GNAO1: variants seen among roughly 807,000 people sequenced by gnomAD.
GNAO1 encodes guanine nucleotide-binding protein G(o) subunit alpha.
For synonymous variants in GNAO1, 164 were observed against 180.7 expected (o/e 0.91, Z 0.74); for missense variants, 166 against 478.7 (o/e 0.35, Z 6.10).
At chr16:56,236,894 A>T (rs2036642351) in intron 2 of GNAO1, among the ~76,000 whole-genome samples, 1 of 152,216 alleles carries the variant, frequency 6.6e-6, no homozygotes, top group Non-Finnish European at 1.5e-5. Flanking sequence ...GTGTCCCAGG[A>T]ACGTGTAGGA....
chr16:56,309,743 C>G (rs750742782), intron 3 of GNAO1, among the ~76,000 whole-genome samples: 4 of 152,236 alleles, frequency 2.6e-5, no homozygotes, highest in Non-Finnish European at 5.9e-5. Context: ...ACCCACTGCT[C>G]CTGTGCGTGC....
intron 3 of GNAO1, among the ~76,000 whole-genome samples, chr16:56,304,238 G>A (rs762751560): frequency 1.3e-5 from 2 of 152,206 alleles, no homozygotes; most frequent in Non-Finnish European, 2.9e-5. Context: ...AGCCCCCTGC[G>A]TCTGCTTTTC....
At chr16:56,277,667 A>C (rs1418773468) in intron 3 of GNAO1, among the ~76,000 whole-genome samples, 1 of 152,074 alleles carries the variant, frequency 6.6e-6, no homozygotes, top group Non-Finnish European at 1.5e-5. Flanking sequence ...ATCTTCAGGC[A>C]TGGCACAAGC....
At chr16:56,257,106 A>G (rs1171184964) in intron 2 of GNAO1, among the ~76,000 whole-genome samples, 1 of 152,052 alleles carries the variant, frequency 6.6e-6, no homozygotes, top group East Asian at 1.9e-4. Flanking sequence ...CAGAGATCAA[A>G]TGTCATGCCC....
rs1003463053 is a variant in GNAO1 at position 56,196,766 on chromosome 16, C to T, written c.161+4150C>T. Among the ~76,000 whole-genome samples the T allele has an allele frequency of 4.6e-5, 7 of 152,212 alleles. No individual in the cohort carries two copies. In the East Asian group the frequency reaches 9.6e-4, roughly 21 times the overall value. On this transcript the variant is annotated intron_variant, in intron 2 of 8. Transcript: ENST00000262493. ...TTTACCGAAATGGGCACAATAAAAT[C>T]GAGCACTTTGGTTGTGCGTCCATTC...
Position 56,220,265 on chromosome 16 carries a change from A to G in GNAO1, c.161+27649A>G, listed in dbSNP as rs926471094. Among the ~76,000 whole-genome samples, 4 of 152,136 alleles carry G rather than the reference A, an allele frequency of 2.6e-5. No homozygotes were observed. The South Asian group carries it at 8.3e-4, about 32-fold the overall frequency. On this transcript the variant is annotated intron_variant, in intron 2 of 8. Transcript: ENST00000262493. Reference sequence around the variant, plus strand: ...AAAAAATCACCTCTATATCCTACATATACCCTTTCCTCCCACGTATGCTGT... The same window carrying G: ...AAAAAATCACCTCTATATCCTACATGTACCCTTTCCTCCCACGTATGCTGT...
intron 3 of GNAO1, among the ~76,000 whole-genome samples, chr16:56,297,937 G>A (rs951316335): frequency 2.0e-5 from 3 of 152,200 alleles, no homozygotes; most frequent in Non-Finnish European, 4.4e-5. Flanking sequence ...GGGAGGCAAA[G>A]GTGGGCGGAT....
intron 3 of GNAO1, among the ~76,000 whole-genome samples, chr16:56,322,122 C>G (rs1108659): frequency 0.83 from 125,902 of 152,074 alleles, 52,526 homozygotes; most frequent in East Asian, 0.97. Context: ...AACCCCCTTC[C>G]TGAGAGCTCC....
chr16:56,224,571 G>T (rs1352806786), intron 2 of GNAO1, among the ~76,000 whole-genome samples: 12 of 152,214 alleles, frequency 7.9e-5, no homozygotes, highest in Non-Finnish European at 1.5e-4. Context: ...TTGCCTCCCA[G>T]GTTCAAGCAA....
At chr16:56,252,696 C>T (rs1269320734) in intron 2 of GNAO1, among the ~76,000 whole-genome samples, 1 of 152,210 alleles carries the variant, frequency 6.6e-6, no homozygotes, top group African/African-American at 2.4e-5. Context: ...GGAAGAACTT[C>T]TCATCACAGC....
intron 3 of GNAO1, chr16:56,308,243 A>G (rs2037416996): frequency 6.6e-6 from 1 of 152,184 alleles, no homozygotes; most frequent in Non-Finnish European, 1.5e-5. Context: ...GTTTTTACAG[A>G]CCAACAGCTT....
intron 5 of GNAO1, 64 bp downstream of exon 5, chr16:56,334,921 G>T: frequency 1.3e-6 from 2 of 1,570,402 alleles, no homozygotes; most frequent in South Asian, 1.1e-5. Context: ...CAGCCTCTCA[G>T]CGCATTGCGT....
intron 3 of GNAO1, among the ~76,000 whole-genome samples, chr16:56,310,161 GAAAA>G (rs547268864): frequency 2.6e-4 from 38 of 147,492 alleles, no homozygotes; most frequent in Non-Finnish European, 5.7e-4. Flanking sequence ...AAAAAAGAAA[GAAAA>G]AAAAAAGAAA....
chr16:56,345,162 A>C, intron 6 of GNAO1: 1 of 985,986 alleles, frequency 1.0e-6, no homozygotes, highest in Non-Finnish European at 1.2e-6. Context: ...GGTGACGGTG[A>C]CGCAGGTCTG....
intron 2 of GNAO1, among the ~76,000 whole-genome samples, chr16:56,275,445 T>A (rs1452469940): frequency 6.6e-6 from 1 of 152,212 alleles, no homozygotes; most frequent in Non-Finnish European, 1.5e-5. Flanking sequence ...AAGATAAAGA[T>A]GGTTATTTGT....
At chr16:56,214,151 A>G (rs2036418129) in intron 2 of GNAO1, among the ~76,000 whole-genome samples, 2 of 152,118 alleles carry the variant, frequency 1.3e-5, no homozygotes, top group Admixed American at 1.3e-4. Flanking sequence ...ACAGGAGACA[A>G]ACACTGAACA....
intron 2 of GNAO1, among the ~76,000 whole-genome samples, chr16:56,238,459 A>G (rs1264455600): frequency 1.3e-5 from 2 of 152,226 alleles, no homozygotes; most frequent in Non-Finnish European, 2.9e-5. Context: ...TGACCACAGC[A>G]CCACAGTCAC....
At chr16:56,324,965 C>T (rs77826736) in intron 3 of GNAO1, among the ~76,000 whole-genome samples, 2,825 of 152,356 alleles carry the variant, frequency 0.019, 87 homozygotes, top group African/African-American at 0.065. Flanking sequence ...TGGCCTCACA[C>T]TTCTTTTGTA....
chr16:56,282,013 C>A (rs1455562376), intron 3 of GNAO1, among the ~76,000 whole-genome samples: 1 of 152,162 alleles, frequency 6.6e-6, no homozygotes, highest in African/African-American at 2.4e-5. Flanking sequence ...TTGTATGAGG[C>A]TTTATTCAGT....
Sources: allele counts gnomAD v4.1 joint callset (sites outside exome capture counted in the v4.1 genomes callset), GRCh38; gene constraint gnomAD v4.1.1; transcripts MANE v1.5; gene names NCBI Gene and HGNC (gene_info 2026-07-23, HGNC 2026-07-21).